Variants in SMARCA2 observed in about 807,000 individuals in gnomAD.
SMARCA2 encodes the protein SWI/SNF-related matrix-associated actin-dependent regulator of chromatin subfamily A member 2.
In SMARCA2, 61 loss-of-function variants were observed where a neutral mutation model predicts 199.8. The observed-to-expected ratio is 0.31, with a 90% CI of 0.25 to 0.38. The LOEUF (loss-of-function observed/expected upper bound fraction) is 0.38, where lower values mean the gene tolerates loss of function less well. Among genes scored for constraint, SMARCA2 ranks in the 10% least tolerant of loss-of-function variants. The pLI, the probability that SMARCA2 is intolerant of heterozygous loss-of-function variation, is 1.00. For synonymous variants in SMARCA2, 935 were observed against 732.0 expected, an observed-to-expected ratio of 1.28 and a Z score of -4.48; for missense variants, 1,344 against 2,012.2, an observed-to-expected ratio of 0.67 and a Z score of 6.35.
chr9:2,092,757 A>G (rs193078476), intron 19 of SMARCA2, among the ~76,000 whole-genome samples: 11 of 152,330 alleles, frequency 7.2e-5, no homozygotes, highest in Admixed American at 7.2e-4. Flanking sequence ...GATTTAAACA[A>G]AAATAGCTCC....
At chr9:2,061,660 G>A (rs769614483) in intron 9 of SMARCA2, among the ~76,000 whole-genome samples, 1 of 152,188 alleles carries the variant, frequency 6.6e-6, no homozygotes, top group African/African-American at 2.4e-5. Context: ...AAGTCATCCA[G>A]TCGTCTAGTT....
chr9:2,061,281 C>G (rs1024358319), intron 9 of SMARCA2, among the ~76,000 whole-genome samples: 1 of 152,156 alleles, frequency 6.6e-6, no homozygotes, highest in Admixed American at 6.5e-5. Context: ...AAAGGAAAAA[C>G]AGACACAAAT....
intron 27 of SMARCA2, among the ~76,000 whole-genome samples, chr9:2,133,610 T>C (rs2130659195): frequency 6.7e-6 from 1 of 148,646 alleles, no homozygotes; most frequent in South Asian, 2.1e-4. Context: ...GTTTTTTTAA[T>C]CAATAAGGCT....
intron 16 of SMARCA2, 104 bp from the exon 17 acceptor site, chr9:2,083,982 C>T: frequency 1.5e-6 from 1 of 652,488 alleles, no homozygotes; most frequent in Non-Finnish European, 2.7e-6. Flanking sequence ...TGTGTCTGTG[C>T]ATTCTTCAGT....
At chr9:2,181,549 G>A in intron 29 of SMARCA2, 22 bp from the exon 30 acceptor site, 2 of 1,233,394 alleles carry the variant, frequency 1.6e-6, no homozygotes, top group South Asian at 1.2e-5. Flanking sequence ...GCTTGTTTTT[G>A]TTTGTTTCAC....
At chr9:2,076,012 G>C (rs535436116) in intron 12 of SMARCA2, among the ~76,000 whole-genome samples, 1 of 152,222 alleles carries the variant, frequency 6.6e-6, no homozygotes, top group East Asian at 1.9e-4. Flanking sequence ...GGGATCCTCA[G>C]AGAGTTCCCT....
At position 2,073,554 on chromosome 9, in the gene SMARCA2, C is replaced by G. The variant is rs1292262515; in HGVS notation, c.1878-12C>G. On this transcript the variant is annotated splice_polypyrimidine_tract_variant and intron_variant, in intron 11 of 33. Transcript: ENST00000349721. The stretch of plus-strand genomic sequence containing the variant: ...ACTAAGCCCCCTCCTCTTCCTCACT[C>G]TTTTTCCTTAGTTATGAAGTTGCCC... 2 of 1,608,370 alleles carry G rather than the reference C, an allele frequency of 1.2e-6. No individual in the cohort carries two copies. The highest frequency in any genetic ancestry group is 1.7e-6 in the Non-Finnish European group (2 of 1,175,408).
intron 27 of SMARCA2, among the ~76,000 whole-genome samples, chr9:2,154,991 C>G (rs1825273814): frequency 1.3e-5 from 2 of 152,110 alleles, no homozygotes; most frequent in Admixed American, 1.3e-4. Context: ...TTGCAGTTCT[C>G]CATTGTTTCT....
rs1393106394 is a variant in SMARCA2, at chr9:2,104,991, T to C, written c.3292+822T>C. On this transcript the variant is annotated intron_variant, in intron 23 of 33. Coordinates refer to ENST00000349721, the MANE Select transcript of SMARCA2 (RefSeq NM_003070.5). The surrounding 1 kb of genome is among the most constrained non-coding windows in gnomAD (Gnocchi z 4.0). The stretch of plus-strand genomic sequence containing the variant: ...AGGATACTGCTAATACCAGTATTTA[T>C]CTAATGCAGTATTACTATTGTTAAA... Among the ~76,000 whole-genome samples, 2 of 152,228 alleles carry C rather than the reference T, an allele frequency of 1.3e-5. No homozygotes were observed. Among genetic ancestry groups the C allele is most frequent in the African/African-American group, 4.8e-5 (2 of 41,464 alleles).
intron 9 of SMARCA2, among the ~76,000 whole-genome samples, chr9:2,064,955 C>T (rs569779536): frequency 7.8e-4 from 119 of 152,182 alleles, no homozygotes; most frequent in Non-Finnish European, 1.3e-3. Context: ...GAGGCCGAGG[C>T]GGGCGGATCA....
chr9:2,054,504 G>T, intron 5 of SMARCA2, 93 bp from the exon 6 acceptor site: 2 of 1,458,152 alleles, frequency 1.4e-6, no homozygotes, highest in Non-Finnish European at 1.9e-6. Flanking sequence ...TTTTGCCCCG[G>T]ACTTAAACCT....
chr9:2,138,642 GT>G (rs1554633734), intron 27 of SMARCA2, among the ~76,000 whole-genome samples: 1 of 152,120 alleles, frequency 6.6e-6, no homozygotes, highest in Non-Finnish European at 1.5e-5. Context: ...GATGATCAGG[GT>G]TCTGCTTGCA....
At chr9:2,137,023 GGCTACT>G (rs1824225140) in intron 27 of SMARCA2, among the ~76,000 whole-genome samples, 1 of 152,128 alleles carries the variant, frequency 6.6e-6, no homozygotes, top group African/African-American at 2.4e-5. Flanking sequence ...TTATCTTCCT[GGCTACT>G]GCTAGGAGAC....
At chr9:2,102,504 C>G (rs1822564690) in intron 22 of SMARCA2, among the ~76,000 whole-genome samples, 1 of 152,172 alleles carries the variant, frequency 6.6e-6, no homozygotes, top group Admixed American at 6.5e-5. Context: ...CCAGATGAGA[C>G]ATTTCAGTAC....
chr9:2,160,420 T>TA, intron 27 of SMARCA2: 1 of 549,104 alleles, frequency 1.8e-6, no homozygotes, highest in Non-Finnish European at 3.2e-6. Context: ...CATATTTTTT[T>TA]AAAAATCCCA....
intron 1 of SMARCA2, among the ~76,000 whole-genome samples, chr9:2,027,082 TAC>T (rs1338067124): frequency 6.7e-6 from 1 of 149,522 alleles, no homozygotes; most frequent in Non-Finnish European, 1.5e-5. Context: ...AATTCTTGCC[TAC>T]ACTTTAAGGA....
intron 27 of SMARCA2, among the ~76,000 whole-genome samples, chr9:2,137,942 A>G (rs1824281022): frequency 6.6e-6 from 1 of 152,240 alleles, no homozygotes; most frequent in Admixed American, 6.5e-5. Context: ...CTGTGACTTC[A>G]TGTAAAGATT....
chr9:2,110,324 T>A lies in SMARCA2; in HGVS notation c.3363T>A (p.Ile1121=), dbSNP rs772384108. 6.2e-7 allele frequency: 1 copy of A among 1,613,780 alleles called. No individual in the cohort carries two copies. Among genetic ancestry groups the A allele is most frequent in the East Asian group, 2.2e-5 (1 of 44,852 alleles). Reference sequence around the variant, plus strand: ...ATGAACCTGGATCCCAGTATTTCATTTTCTTGCTGAGCACAAGAGCTGGTG... The same window carrying A: ...ATGAACCTGGATCCCAGTATTTCATATTCTTGCTGAGCACAAGAGCTGGTG... ...KFNEPGSQYF[I]FLLSTRAGGL... The change falls in exon 24 of 34, where the codon ATT becomes ATA. Residue 1121 remains isoleucine (I), a synonymous_variant. Coordinates refer to ENST00000349721, the MANE Select transcript of SMARCA2 (RefSeq NM_003070.5). This position sits in a 1 kb window ranked among gnomAD's most constrained non-coding sequence, Gnocchi z 4.8.
chr9:2,146,202 G>T (rs1055115430), intron 27 of SMARCA2, among the ~76,000 whole-genome samples: 6 of 152,126 alleles, frequency 3.9e-5, no homozygotes, highest in African/African-American at 1.4e-4. Flanking sequence ...TCCTCACATG[G>T]TAGAAGGGAC....
Sources: gnomAD v4.1 joint callset for allele counts (sites outside exome capture counted in the v4.1 genomes callset) on GRCh38, gnomAD v4.1.1 for gene constraint, Gnocchi (gnomAD v3.1) non-coding constraint, MANE v1.5 for transcripts, NCBI Gene and HGNC (gene_info 2026-07-23, HGNC 2026-07-21) for gene names.